GALNT10: variants seen among roughly 807,000 people sequenced by gnomAD.
The protein encoded by GALNT10 is polypeptide N-acetylgalactosaminyltransferase 10.
Under a neutral mutation model 75.0 loss-of-function variants are expected in GALNT10, and 41 were observed. That is an observed-to-expected ratio of 0.55 (90% CI 0.43 to 0.71). The LOEUF (loss-of-function observed/expected upper bound fraction) is 0.71, where lower values mean the gene tolerates loss of function less well. GALNT10 is among the 30% of genes least tolerant of loss of function. The pLI, the probability that GALNT10 is intolerant of heterozygous loss-of-function variation, is 0.00. For synonymous variants in GALNT10, 302 were observed against 313.0 expected, an observed-to-expected ratio of 0.96 and a Z score of 0.37; for missense variants, 727 against 818.5, an observed-to-expected ratio of 0.89 and a Z score of 1.36.
At chr5:154,357,687 C>T (rs548969682) in intron 4 of GALNT10, among the ~76,000 whole-genome samples, 3 of 152,268 alleles carry the variant, frequency 2.0e-5, no homozygotes, top group South Asian at 4.1e-4. Flanking sequence ...CTCATTCCCA[C>T]GAGGCCACAG....
At chr5:154,227,079 C>G (rs1753074546) in intron 1 of GALNT10, among the ~76,000 whole-genome samples, 2 of 152,156 alleles carry the variant, frequency 1.3e-5, no homozygotes, top group Non-Finnish European at 2.9e-5. Context: ...CCATGGTTTA[C>G]TTTTCCATTT....
At chr5:154,325,611 C>A (rs368461800) in intron 3 of GALNT10, among the ~76,000 whole-genome samples, 2 of 148,570 alleles carry the variant, frequency 1.3e-5, no homozygotes, top group African/African-American at 5.0e-5. Context: ...ACAAAACTTA[C>A]ATAATCATCT....
At chr5:154,348,446 A>G (rs1228086652) in intron 4 of GALNT10, among the ~76,000 whole-genome samples, 2 of 152,222 alleles carry the variant, frequency 1.3e-5, no homozygotes, top group South Asian at 2.1e-4. Context: ...CTGCTTCTCT[A>G]TGGAGAGGTA....
chr5:154,307,914 A>G (rs1383774180), intron 3 of GALNT10, among the ~76,000 whole-genome samples: 1 of 151,282 alleles, frequency 6.6e-6, no homozygotes, highest in Admixed American at 6.6e-5. Flanking sequence ...GTGAAAAATA[A>G]TAACAATAAA....
At position 154,307,202 on chromosome 5, in the gene GALNT10, T is replaced by A. The variant is rs527800419; in HGVS notation, c.401+9123T>A. Among the ~76,000 whole-genome samples the A allele has an allele frequency of 8.8e-4, 134 of 152,330 alleles. 1 individual carries two copies. Among genetic ancestry groups the A allele is most frequent in the African/African-American group, 3.1e-3 (127 of 41,568 alleles). ...CCAAAACTCACTTAAGGAGAAACGA[T>A]CAACCTGAATAGTCCTATATCTATT... On this transcript the variant is annotated intron_variant, in intron 3 of 11. Coordinates refer to ENST00000297107, the MANE Select transcript of GALNT10 (RefSeq NM_198321.4).
At chr5:154,221,446 T>G (rs1280213534) in intron 1 of GALNT10, among the ~76,000 whole-genome samples, 1 of 152,180 alleles carries the variant, frequency 6.6e-6, no homozygotes, top group Non-Finnish European at 1.5e-5. Context: ...TTACTGAGTC[T>G]GCACATCCTG....
chr5:154,290,153 A>C (rs1379699427), intron 1 of GALNT10, among the ~76,000 whole-genome samples: 1 of 146,946 alleles, frequency 6.8e-6, no homozygotes, highest in Non-Finnish European at 1.5e-5. Flanking sequence ...GTGCAGTTGC[A>C]CAATCGCGGC....
intron 4 of GALNT10, among the ~76,000 whole-genome samples, chr5:154,355,294 G>A (rs79969294): frequency 0.032 from 4,867 of 152,234 alleles, 253 homozygotes; most frequent in African/African-American, 0.11. Flanking sequence ...ATGACCCAAT[G>A]CATATCTGTT....
At chr5:154,270,531 G>A (rs1244372583) in intron 1 of GALNT10, among the ~76,000 whole-genome samples, 1 of 152,038 alleles carries the variant, frequency 6.6e-6, no homozygotes, top group Non-Finnish European at 1.5e-5. Context: ...ACCCAGTTCA[G>A]AGGACGATGA....
intron 4 of GALNT10, among the ~76,000 whole-genome samples, chr5:154,334,274 A>ACTC (rs1288209535): frequency 6.6e-6 from 1 of 152,202 alleles, no homozygotes; most frequent in Non-Finnish European, 1.5e-5. Flanking sequence ...AGCATCAAGG[A>ACTC]CTCGAGTGGA....
At chr5:154,314,548 C>T (rs538439960) in intron 3 of GALNT10, among the ~76,000 whole-genome samples, 5 of 152,018 alleles carry the variant, frequency 3.3e-5, no homozygotes, top group Non-Finnish European at 7.3e-5. Flanking sequence ...GTTAAAGCTC[C>T]GTATGTGGCC....
intron 8 of GALNT10, 65 bp downstream of exon 8, chr5:154,404,276 C>A: frequency 4.7e-6 from 4 of 848,118 alleles, no homozygotes; most frequent in Non-Finnish European, 7.4e-6. Flanking sequence ...TGCACTGAGG[C>A]ACCCTGGGGC....
At chr5:154,230,964 G>A (rs1753141460) in intron 1 of GALNT10, among the ~76,000 whole-genome samples, 1 of 152,228 alleles carries the variant, frequency 6.6e-6, no homozygotes. Context: ...ACTTCACAGA[G>A]ATGGCAAGGC....
rs561405002 is a variant in GALNT10, at chr5:154,245,856, G to C, written c.160-48960G>C. 7.8e-3 allele frequency among the ~76,000 whole-genome samples: 1,159 copies of C among 149,330 alleles called. 11 individuals are homozygous for C. Among genetic ancestry groups the C allele is most frequent in the Non-Finnish European group, 0.011 (737 of 67,616 alleles). ...AAGTTTTAGGGTACATGTGCACAAC[G>C]TGCAGGTTTGTTACATATATATACA... On this transcript the variant is annotated intron_variant, in intron 1 of 11. Transcript: ENST00000297107.
chr5:154,231,786 C>G (rs1424049994), intron 1 of GALNT10, among the ~76,000 whole-genome samples: 1 of 152,334 alleles, frequency 6.6e-6, no homozygotes, highest in African/African-American at 2.4e-5. Context: ...TGGCACATCT[C>G]TACCTCTATG....
rs1755780456 is a variant in GALNT10 at position 154,384,495 on chromosome 5, A to C, written c.939-1818A>C. Among the ~76,000 whole-genome samples the C allele has an allele frequency of 2.6e-5, 4 of 152,320 alleles. No individual in the cohort carries two copies. In the South Asian group the frequency reaches 8.3e-4, roughly 32 times the overall value. ...ATACTCTTTTCATCCTAAGTCTTGG[A>C]AATCTGGTGTGTATCTCACACTCAC... On this transcript the variant is annotated intron_variant, in intron 6 of 11. Transcript: ENST00000297107.
Position 154,327,603 on chromosome 5 carries a change from T to A in GALNT10, c.402-1969T>A, listed in dbSNP as rs541339942. ...TTATGTTTCCATTTGTGAGTTAACA[T>A]AATTGACCATCGTTGGAGGATGCTG... is the stretch of plus-strand genomic sequence containing the variant. On this transcript the variant is annotated intron_variant, in intron 3 of 11. Transcript: ENST00000297107. 6.6e-5 allele frequency among the ~76,000 whole-genome samples: 10 copies of A among 152,352 alleles called. No homozygotes were observed. The South Asian group carries it at 1.0e-3, about 16-fold the overall frequency.
rs1394377165 is a variant in GALNT10, at chr5:154,419,652, C to CA, written c.*2683dup. 6.6e-6 allele frequency: 1 copy of CA among 152,254 alleles called. No individual in the cohort carries two copies. Among genetic ancestry groups the CA allele is most frequent in the Non-Finnish European group, 1.5e-5 (1 of 68,096 alleles). 9.4% of individuals were successfully genotyped at this position (152,254 alleles called of 1,614,324 possible). A position where few individuals can be genotyped will look rare whatever the true frequency, so the allele number is the denominator to read the frequency against. On this transcript the variant is annotated 3_prime_UTR_variant, in exon 12 of 12. Coordinates refer to ENST00000297107, the MANE Select transcript of GALNT10 (RefSeq NM_198321.4). ...CATATCAGTAGGTCCTGGGACTTGA[C>CA]AAAGTATGTGGGAGGGGAAGGAAGG...
At chr5:154,388,900 A>AAAG (rs1402499675) in intron 7 of GALNT10, 78 of 150,024 alleles carry the variant, frequency 5.2e-4, no homozygotes, top group African/African-American at 1.9e-3. Flanking sequence ...AAAAAAAAAA[A>AAAG]AAGAAGGAAA....
Sources: allele counts gnomAD v4.1 joint callset (sites outside exome capture counted in the v4.1 genomes callset), GRCh38; gene constraint gnomAD v4.1.1; transcripts MANE v1.5; gene names NCBI Gene and HGNC (gene_info 2026-07-23, HGNC 2026-07-21).